NEB: variants seen among roughly 807,000 people sequenced by gnomAD.
NEB encodes the protein nebulin.
A neutral mutation model predicts 952.2 loss-of-function variants in NEB; 512 were observed. The observed-to-expected ratio is 0.54, with a 90% confidence interval of 0.50 to 0.58. The LOEUF (loss-of-function observed/expected upper bound fraction) is 0.58, where lower values mean the gene tolerates loss of function less well. NEB is among the 20% of genes least tolerant of loss of function. NEB has a pLI of 0.00. For missense variants in NEB, 8,428 were observed against 9,231.1 expected, an observed-to-expected ratio of 0.91 and a Z score of 3.56; for synonymous variants, 2,900 against 3,149.8, an observed-to-expected ratio of 0.92 and a Z score of 2.66.
In NEB at chr2:151,640,524, C is replaced by T. The variant is rs772959616; in HGVS notation, c.8516G>A (p.Trp2839Ter). 6.2e-7 allele frequency: 1 copy of T among 1,613,932 alleles called. No homozygotes were observed. Among genetic ancestry groups the T allele is most frequent in the Non-Finnish European group, 8.5e-7 (1 of 1,179,866 alleles). ...CACTGGGCTGCTGAACTTGGTCTTCCACTTCTCAAAGTCCTTCTTGTACTC... is the reference window on the plus strand; with the variant it reads ...CACTGGGCTGCTGAACTTGGTCTTCTACTTCTCAAAGTCCTTCTTGTACTC... ...DREYKKDFEK[W>*]KTKFSSPVDM... The change falls in exon 61 of 182, where the codon TGG becomes TAG. Residue 2839 changes from tryptophan to a stop codon, truncating the protein, a stop_gained. Transcript: ENST00000397345. LOFTEE classifies it high-confidence loss of function.
At chr2:151,704,648 T>C (rs543917506) in intron 13 of NEB, among the ~76,000 whole-genome samples, 2 of 152,306 alleles carry the variant, frequency 1.3e-5, no homozygotes, top group South Asian at 4.1e-4. Context: ...ACCCCTTTCT[T>C]TGAGTCGGAA....
At chr2:151,706,436 T>C (rs2099706605) in intron 13 of NEB, among the ~76,000 whole-genome samples, 1 of 152,198 alleles carries the variant, frequency 6.6e-6, no homozygotes, top group South Asian at 2.1e-4. Flanking sequence ...GGGCTCTTAA[T>C]AATTACACAA....
At chr2:151,699,049 T>G (rs1230215446) in intron 13 of NEB, among the ~76,000 whole-genome samples, 17 of 138,342 alleles carry the variant, frequency 1.2e-4, no homozygotes, top group Non-Finnish European at 2.3e-4. Context: ...AGTGTGATAT[T>G]CCCCTTCCTG....
At chr2:151,631,120 A>C in intron 66 of NEB, 23 bp downstream of exon 66, 2 of 1,612,126 alleles carry the variant, frequency 1.2e-6, no homozygotes, top group Non-Finnish European at 1.7e-6. Context: ...ATCTTGGAGA[A>C]GCTTAAGGCA....
At chr2:151,487,245 A>T (rs2051466218) in intron 181 of NEB, among the ~76,000 whole-genome samples, 1 of 152,222 alleles carries the variant, frequency 6.6e-6, no homozygotes, top group Admixed American at 6.5e-5. Flanking sequence ...AGTTTCTCAA[A>T]GCTATCCTCC....
intron 46 of NEB, among the ~76,000 whole-genome samples, chr2:151,660,442 G>A (rs116002357): frequency 8.5e-4 from 130 of 152,156 alleles, no homozygotes; most frequent in African/African-American, 2.8e-3. Context: ...AAATTTTAAC[G>A]AACATTAACA....
intron 157 of NEB, 81 bp from the exon 158 acceptor site, chr2:151,515,009 A>G: frequency 1.1e-6 from 1 of 894,680 alleles, no homozygotes; most frequent in Non-Finnish European, 1.7e-6. Flanking sequence ...AGAAAAAAAA[A>G]ACAGCATTTT....
intron 145 of NEB, among the ~76,000 whole-genome samples, 160 bp from the exon 146 acceptor site, chr2:151,529,474 G>A (rs575491723): frequency 9.2e-5 from 14 of 152,082 alleles, no homozygotes; most frequent in African/African-American, 3.4e-4. Context: ...GCCATGCAGA[G>A]ATGCACCTTC....
intron 109 of NEB, among the ~76,000 whole-genome samples, 152 bp from the exon 110 acceptor site, chr2:151,569,524 A>G (rs973698500): frequency 1.3e-5 from 2 of 152,208 alleles, no homozygotes; most frequent in African/African-American, 4.8e-5. Flanking sequence ...AAGAAAATTA[A>G]TTAGGCGGCC....
rs1223566359 is a variant in NEB, at chr2:151,677,639, T to G, written c.3700A>C (p.Thr1234Pro). Residue 1234 changes from threonine (T) to proline (P), a missense_variant, in exon 34 of 182, where the codon ACC becomes CCC. Physicochemically the swap from Thr to Pro is conservative, Grantham distance 38. Around this residue, in one of 11 missense-constraint regions of NEB, gnomAD observed 2,851 missense variants for 2,791.5 expected, o/e 1.02. Transcript: ENST00000397345. ...NEKKYRQHPD[T>P]LKFTSIVDSP... ...TCCACAATGCTGGTAAATTTGAGGG[T>G]GTCTGGATGTTGCCTGTACTTCTTT... The G allele has an allele frequency of 3.7e-6, 6 of 1,613,816 alleles. No individual in the cohort carries two copies. Among genetic ancestry groups the G allele is most frequent in the Non-Finnish European group, 5.1e-6 (6 of 1,179,884 alleles).
Position 151,565,749 on chromosome 2 carries a change from T to C in NEB, c.18228A>G (p.Val6076=). The change falls in exon 115 of 182, where the codon GTA becomes GTG. Residue 6076 remains valine, a synonymous_variant. Transcript: ENST00000397345. ...TCATTTCCTGGTTCTTAGTAACCCT[T>C]ACATGGTCCACAGAATCCAGTGGGA... ...GWIPLDSVDH[V]RVTKNQEMMS... 1 of 1,612,724 alleles carries C rather than the reference T, an allele frequency of 6.2e-7. No homozygotes were observed. Among genetic ancestry groups the C allele is most frequent in the East Asian group, 2.2e-5 (1 of 44,800 alleles).
rs769213004 is a variant in NEB, at chr2:151,625,626, C to T, written c.10360G>A (p.Glu3454Lys). The change falls in exon 71 of 182, where the codon GAA (glutamate) becomes AAA (lysine). Residue 3454 changes from glutamate (E) to lysine (K), a missense_variant. Around this residue, in one of 11 missense-constraint regions of NEB, gnomAD observed 1,772 missense variants for 1,960.3 expected, o/e 0.90. Transcript: ENST00000397345. Reference sequence around the variant, plus strand: ...TGGGTCTTGTCTTTGTCCCAGGCTTCTGTGTATAAGCGCTGTGAAGGATAA... The same window carrying T: ...TGGGTCTTGTCTTTGTCCCAGGCTTTTGTGTATAAGCGCTGTGAAGGATAA... The part of the protein sequence containing the change: ...ALNMNKRLYT[E>K]AWDKDKTQVH... The T allele has an allele frequency of 3.1e-6, 5 of 1,603,618 alleles. No homozygotes were observed. Among genetic ancestry groups the T allele is most frequent in the Non-Finnish European group, 4.3e-6 (5 of 1,172,934 alleles).
intron 175 of NEB, 46 bp downstream of exon 175, chr2:151,493,729 C>T (rs1559157471): frequency 7.3e-7 from 1 of 1,367,320 alleles, no homozygotes; most frequent in Admixed American, 2.1e-5. Flanking sequence ...CCATGTTTGC[C>T]AGGGCTGTTA....
At chr2:151,667,722 G>A in intron 40 of NEB, 82 bp downstream of exon 40, 1 of 998,256 alleles carries the variant, frequency 1.0e-6, no homozygotes. Flanking sequence ...GTAGAGACAG[G>A]GTCTTGCTAT....
At chr2:151,658,196 A>G in intron 47 of NEB, 106 bp from the exon 48 acceptor site, 1 of 773,410 alleles carries the variant, frequency 1.3e-6, no homozygotes, top group Non-Finnish European at 2.1e-6. Context: ...GTTTTTGAGC[A>G]GAATGCTTCG....
intron 60 of NEB, among the ~76,000 whole-genome samples, chr2:151,640,898 A>G (rs911506551): frequency 6.6e-6 from 1 of 151,974 alleles, no homozygotes; most frequent in Admixed American, 6.6e-5. Context: ...TACATTCTTT[A>G]ATGTGAAAGT....
chr2:151,538,054 A>G, intron 139 of NEB, 78 bp from the exon 140 acceptor site: 1 of 1,513,762 alleles, frequency 6.6e-7, no homozygotes, highest in Non-Finnish European at 9.1e-7. Context: ...GGAGAATTTC[A>G]GAAGAGGGAG....
At chr2:151,510,348 C>T (rs1028014580) in intron 161 of NEB, among the ~76,000 whole-genome samples, 1 of 152,204 alleles carries the variant, frequency 6.6e-6, no homozygotes, top group African/African-American at 2.4e-5. Flanking sequence ...CTAGCCGAAA[C>T]TTTTGGTGGG....
At chr2:151,518,110 G>A (rs902455894) in intron 156 of NEB, among the ~76,000 whole-genome samples, 7 of 152,164 alleles carry the variant, frequency 4.6e-5, no homozygotes, top group African/African-American at 1.7e-4. Context: ...CCTGCCAGTA[G>A]CACATAATTG....
Sources: gnomAD v4.1 joint callset for allele counts (sites outside exome capture counted in the v4.1 genomes callset) on GRCh38, gnomAD v4.1.1 for gene constraint, gnomAD v4.1.1 regional missense constraint, MANE v1.5 for transcripts, NCBI Gene and HGNC (gene_info 2026-07-23, HGNC 2026-07-21) for gene names.